CMKLR2: variants seen among roughly 807,000 people sequenced by gnomAD.
The protein encoded by CMKLR2 is chemerin chemokine-like receptor 2.
Under a neutral mutation model 23.0 loss-of-function variants are expected in CMKLR2, and 18 were observed. That is an observed-to-expected ratio of 0.78 (90% CI 0.54 to 1.16). The LOEUF is 1.16. Ranked by LOEUF, CMKLR2 falls within the 50% of genes most tolerant of loss-of-function variation. The pLI is 0.00. For missense variants in CMKLR2, 401 were observed against 412.7 expected (o/e 0.97, Z 0.25); for synonymous variants, 158 against 158.9 (o/e 0.99, Z 0.05).
At chr2:206,204,616 T>C (rs1313417651) in intron 1 of CMKLR2, among the ~76,000 whole-genome samples, 5 of 151,912 alleles carry the variant, frequency 3.3e-5, no homozygotes, top group Admixed American at 3.3e-4. Context: ...CAGAGTGCAG[T>C]GGCATGATCT....
intron 1 of CMKLR2, among the ~76,000 whole-genome samples, chr2:206,209,498 G>A (rs6713690): frequency 0.76 from 115,650 of 151,946 alleles, 44,172 homozygotes; most frequent in Non-Finnish European, 0.8. Context: ...ATTAAGCCCA[G>A]CATCCGTTAG....
At chr2:206,177,745 G>A (rs1381364415) in intron 1 of CMKLR2, among the ~76,000 whole-genome samples, 1 of 152,126 alleles carries the variant, frequency 6.6e-6, no homozygotes, top group Non-Finnish European at 1.5e-5. Context: ...AAGTCTTGGT[G>A]AGCCTCAGTT....
At chr2:206,210,090 A>G (rs1246374552) in intron 1 of CMKLR2, among the ~76,000 whole-genome samples, 1 of 151,616 alleles carries the variant, frequency 6.6e-6, no homozygotes, top group Non-Finnish European at 1.5e-5. Context: ...CAGCCTCCCA[A>G]GTAGCTGGGA....
At chr2:206,179,973 G>A (rs945028017) in intron 1 of CMKLR2, among the ~76,000 whole-genome samples, 21 of 152,030 alleles carry the variant, frequency 1.4e-4, no homozygotes, top group Admixed American at 4.6e-4. Context: ...TGAGAAATCC[G>A]GCAGGGCAAA....
At chr2:206,196,218 T>G (rs964210872) in intron 1 of CMKLR2, among the ~76,000 whole-genome samples, 116 of 151,750 alleles carry the variant, frequency 7.6e-4, no homozygotes, top group African/African-American at 2.6e-3. Flanking sequence ...CTACTAAAAA[T>G]ACAAAAATTA....
rs146271678 is a variant in CMKLR2 at position 206,192,455 on chromosome 2, C to T, written c.-28-15180G>A. Among the ~76,000 whole-genome samples the T allele has an allele frequency of 9.5e-3, 1,426 of 150,770 alleles. 15 individuals carry two copies. The highest frequency in any genetic ancestry group is 0.032 in the African/African-American group (1,305 of 41,076). ...TGGTGGCTCATGTTTGAAATCCTAG[C>T]ATTTTGGGAGGCTGAGGTGGGAGGA... On this transcript the variant is annotated intron_variant, in intron 1 of 1. Transcript: ENST00000621141.
intron 1 of CMKLR2, among the ~76,000 whole-genome samples, chr2:206,189,301 T>C (rs1202894869): frequency 6.6e-6 from 1 of 152,074 alleles, no homozygotes; most frequent in African/African-American, 2.4e-5. Flanking sequence ...ACAGGGGCCC[T>C]TGGGGGAACA....
chr2:206,189,639 G>GA (rs559698014), intron 1 of CMKLR2, among the ~76,000 whole-genome samples: 1,263 of 111,746 alleles, frequency 0.011, 25 homozygotes, highest in East Asian at 0.042. Context: ...CATCTAAAAA[G>GA]AAAAAAAAAA....
intron 1 of CMKLR2, among the ~76,000 whole-genome samples, chr2:206,185,429 C>G (rs1688548894): frequency 6.6e-6 from 1 of 152,130 alleles, no homozygotes; most frequent in Admixed American, 6.5e-5. Context: ...GTATGTCTAA[C>G]ATATTCTAGA....
chr2:206,206,139 G>A (rs1476261269), intron 1 of CMKLR2, among the ~76,000 whole-genome samples: 1 of 152,144 alleles, frequency 6.6e-6, no homozygotes, highest in Non-Finnish European at 1.5e-5. Context: ...TACCATTCCA[G>A]AACAAGGAGT....
At chr2:206,217,436 C>T (rs1689790211), upstream of CMKLR2, 2 of 152,298 alleles carry the variant, frequency 1.3e-5, no homozygotes, top group East Asian at 3.9e-4. Context: ...CGTTTTCATC[C>T]ACTTAAAGCA....
intron 1 of CMKLR2, among the ~76,000 whole-genome samples, chr2:206,210,914 T>A (rs1689537447): frequency 2.0e-5 from 3 of 152,134 alleles, no homozygotes; most frequent in Non-Finnish European, 4.4e-5. Context: ...TTGTGAAAAA[T>A]TAAGGATATC....
chr2:206,179,636 C>T (rs1576034218), intron 1 of CMKLR2, among the ~76,000 whole-genome samples: 1 of 152,122 alleles, frequency 6.6e-6, no homozygotes, highest in African/African-American at 2.4e-5. Context: ...GCCCCTCTGC[C>T]TTTTTTCTTA....
At chr2:206,198,944 C>T (rs1689003083) in intron 1 of CMKLR2, among the ~76,000 whole-genome samples, 1 of 152,194 alleles carries the variant, frequency 6.6e-6, no homozygotes, top group Non-Finnish European at 1.5e-5. Flanking sequence ...TTATAAACAT[C>T]AGCAGTGCCC....
intron 1 of CMKLR2, among the ~76,000 whole-genome samples, chr2:206,180,770 T>TATTATTATTATTA (rs1553513116): frequency 2.7e-5 from 4 of 148,166 alleles, no homozygotes; most frequent in South Asian, 2.1e-4. Flanking sequence ...TTATTATTAT[T>TATTATTATTATTA]TTGAGACAGA....
At chr2:206,204,452 CTT>C (rs1689236230) in intron 1 of CMKLR2, among the ~76,000 whole-genome samples, 2 of 151,690 alleles carry the variant, frequency 1.3e-5, no homozygotes, top group East Asian at 1.9e-4. Context: ...ACTTACATGA[CTT>C]TGCTGAAACA....
At chr2:206,209,966 C>CT (rs1174073666) in intron 1 of CMKLR2, among the ~76,000 whole-genome samples, 1,579 of 133,232 alleles carry the variant, frequency 0.012, 15 homozygotes, top group African/African-American at 0.023. Context: ...TCTTTTCTTT[C>CT]TTTTTTTTTT....
At chr2:206,209,571 C>G (rs2105841658) in intron 1 of CMKLR2, among the ~76,000 whole-genome samples, 1 of 152,148 alleles carries the variant, frequency 6.6e-6, no homozygotes, top group South Asian at 2.1e-4. Context: ...GTTGTTACCC[C>G]CACGTGTCCA....
chr2:206,194,682 C>T lies in CMKLR2; in HGVS notation c.-28-17407G>A, dbSNP rs371853188. 3.3e-5 allele frequency among the ~76,000 whole-genome samples: 5 copies of T among 151,410 alleles called. No homozygotes were observed. The East Asian group carries it at 5.8e-4, about 18-fold the overall frequency. ...AACCCCTGGCCTCAAGTGATCTGTC[C>T]GCCTCAGGCTCCCAAAGTGTTGGGA... On this transcript the variant is annotated intron_variant, in intron 1 of 1. Coordinates refer to ENST00000621141, the MANE Select transcript of CMKLR2 (RefSeq NM_001389445.1).
Sources: allele counts gnomAD v4.1 joint callset (sites outside exome capture counted in the v4.1 genomes callset), GRCh38; gene constraint gnomAD v4.1.1; transcripts MANE v1.5; gene names NCBI Gene and HGNC (gene_info 2026-07-23, HGNC 2026-07-21).